ZNF735: variants seen among roughly 807,000 people sequenced by gnomAD.
The protein encoded by ZNF735 is putative zinc finger protein 735.
Under a neutral mutation model 13.4 loss-of-function variants are expected in ZNF735, and 11 were observed. The ratio of observed to expected loss-of-function variants is 0.82; its 90% CI spans 0.52 to 1.36. The LOEUF is 1.36. Ranked by LOEUF, ZNF735 falls within the 40% of genes most tolerant of loss-of-function variation. The pLI is 0.00. For missense variants in ZNF735, 500 were observed against 484.6 expected (o/e 1.03, Z -0.30); for synonymous variants, 171 against 162.6 (o/e 1.05, Z -0.39).
At chr7:64,219,270 T>C (rs750362669) in intron 3 of ZNF735, 44 bp from the exon 4 acceptor site, 1 of 1,584,988 alleles carries the variant, frequency 6.3e-7, no homozygotes, top group East Asian at 2.2e-5. Flanking sequence ...TATATTTATC[T>C]GAGTCTAGTA....
intron 3 of ZNF735, among the ~76,000 whole-genome samples, chr7:64,215,920 C>T (rs1787414371): frequency 6.6e-6 from 1 of 152,008 alleles, no homozygotes; most frequent in Admixed American, 6.6e-5. Flanking sequence ...GTTATTGTTG[C>T]TTTTTATTAT....
At chr7:64,217,298 A>T (rs1787433651) in intron 3 of ZNF735, among the ~76,000 whole-genome samples, 1 of 152,202 alleles carries the variant, frequency 6.6e-6, no homozygotes, top group Non-Finnish European at 1.5e-5. Flanking sequence ...GCTTCCTCAT[A>T]TCCTCACCAG....
intron 1 of ZNF735, among the ~76,000 whole-genome samples, 183 bp from the exon 2 acceptor site, chr7:64,212,909 C>G (rs1468924123): frequency 6.6e-6 from 1 of 152,078 alleles, no homozygotes; most frequent in Non-Finnish European, 1.5e-5. Context: ...TTATGCTCTC[C>G]TCTTTTCTCA....
At chr7:64,207,598 G>A (rs1202683005) in intron 1 of ZNF735, among the ~76,000 whole-genome samples, 2 of 152,248 alleles carry the variant, frequency 1.3e-5, no homozygotes, top group Admixed American at 1.3e-4. Flanking sequence ...GGTAAGAGCT[G>A]TGGTCCCTGG....
chr7:64,214,220 T>C, intron 3 of ZNF735, 112 bp downstream of exon 3: 1 of 1,138,082 alleles, frequency 8.8e-7, no homozygotes. Flanking sequence ...AAAGAGTTTC[T>C]GAGAAGCTTG....
At chr7:64,209,416 G>A (rs538157587) in intron 1 of ZNF735, among the ~76,000 whole-genome samples, 66 of 150,748 alleles carry the variant, frequency 4.4e-4, no homozygotes, top group African/African-American at 1.6e-3. Context: ...GCGTGATCTC[G>A]GCTCACTGCA....
At chr7:64,211,704 A>C (rs1202162928) in intron 1 of ZNF735, among the ~76,000 whole-genome samples, 2 of 151,742 alleles carry the variant, frequency 1.3e-5, no homozygotes, top group Non-Finnish European at 2.9e-5. Flanking sequence ...TCTCTACTAA[A>C]AAAATACAAA....
Position 64,208,542 on chromosome 7 carries a change from C to T in ZNF735, c.39+1301C>T, listed in dbSNP as rs182307678. Among the ~76,000 whole-genome samples, 715 of 152,180 alleles carry T rather than the reference C, an allele frequency of 4.7e-3. 24 individuals are homozygous for T. The highest frequency in any genetic ancestry group is 8.7e-4 in the Non-Finnish European group (59 of 67,998). ...AACAGGCTTGGGTTATAGGCATGAG[C>T]CACCACACTCAGTCAAGTTTTTTTT... On this transcript the variant is annotated intron_variant, in intron 1 of 3. Transcript: ENST00000429565.
At position 64,215,054 on chromosome 7, in the gene ZNF735, AT is replaced by A. The variant is rs929535454; in HGVS notation, c.262+949del. On this transcript the variant is annotated intron_variant, in intron 3 of 3. Coordinates refer to ENST00000429565, the Ensembl canonical transcript of ZNF735. ...TAAAATTTAGTTTAATCATTTGTCC[AT>A]TTCTTTTTTCTTTTTTTTTTTTTGA... Among the ~76,000 whole-genome samples, 348 of 145,380 alleles carry A rather than the reference AT, an allele frequency of 2.4e-3. 1 individual carries two copies. Among genetic ancestry groups the A allele is most frequent in the African/African-American group, 7.3e-3 (290 of 39,538 alleles).
chr7:64,220,034 A>G lies in ZNF735; in HGVS notation c.983A>G (p.Glu328Gly), dbSNP rs778905417. Reference sequence around the variant, plus strand: ...ACTGGAGAGAAACCCTACACATGTGAAGAATGTGGCAAAGCCTTTAACTGC... The same window carrying G: ...ACTGGAGAGAAACCCTACACATGTGGAGAATGTGGCAAAGCCTTTAACTGC... The change falls in exon 4 of 4, where the codon GAA becomes GGA. Residue 328 changes from glutamate to glycine, a missense_variant. Physicochemically the swap from Glu to Gly is moderately conservative, Grantham distance 98. Coordinates refer to ENST00000429565, the Ensembl canonical transcript of ZNF735. 5.6e-6 allele frequency: 9 copies of G among 1,612,744 alleles called. No homozygotes were observed. The Admixed American group carries it at 1.5e-4, about 27-fold the overall frequency.
At chr7:64,208,139 G>T (rs113986809) in intron 1 of ZNF735, among the ~76,000 whole-genome samples, 5,915 of 151,592 alleles carry the variant, frequency 0.039, 181 homozygotes, top group East Asian at 0.16. Context: ...TTTTTACTTG[G>T]AAGATCCAGG....
At chr7:64,207,973 C>CAAGA (rs1181442127) in intron 1 of ZNF735, among the ~76,000 whole-genome samples, 24 of 149,596 alleles carry the variant, frequency 1.6e-4, no homozygotes, top group Non-Finnish European at 1.5e-5. Context: ...GGCGACAAAG[C>CAAGA]AAGACTCCAC....
At chr7:64,210,783 C>T (rs911679730) in intron 1 of ZNF735, among the ~76,000 whole-genome samples, 1 of 152,124 alleles carries the variant, frequency 6.6e-6, no homozygotes, top group Admixed American at 6.6e-5. Context: ...TTATACACAA[C>T]AAAAATGGGT....
intron 1 of ZNF735, among the ~76,000 whole-genome samples, chr7:64,208,638 G>A (rs1787322680): frequency 6.6e-6 from 1 of 152,030 alleles, no homozygotes; most frequent in Non-Finnish European, 1.5e-5. Context: ...ATATCATGAA[G>A]TTTTTGTGTA....
intron 1 of ZNF735, among the ~76,000 whole-genome samples, chr7:64,209,455 C>A (rs555115521): frequency 6.6e-6 from 1 of 151,228 alleles, no homozygotes; most frequent in East Asian, 2.0e-4. Context: ...TCAAGCGATT[C>A]TCCTGGGATT....
chr7:64,210,564 A>G (rs963586731), intron 1 of ZNF735, among the ~76,000 whole-genome samples: 1 of 152,192 alleles, frequency 6.6e-6, no homozygotes, highest in African/African-American at 2.4e-5. Context: ...AGATACATTC[A>G]GGAGAGTTTA....
At chr7:64,211,101 G>T (rs1436232009) in intron 1 of ZNF735, among the ~76,000 whole-genome samples, 5 of 152,060 alleles carry the variant, frequency 3.3e-5, no homozygotes, top group African/African-American at 1.2e-4. Context: ...TACTTTTTGT[G>T]ATTTGTATGA....
At chr7:64,209,228 G>GTTTTTTTT (rs377315967) in intron 1 of ZNF735, among the ~76,000 whole-genome samples, 6 of 139,902 alleles carry the variant, frequency 4.3e-5, no homozygotes, top group Non-Finnish European at 7.7e-5. Context: ...CATCTGTTCC[G>GTTTTTTTT]TTTTTTTTTT....
exon 4 of ZNF735, chr7:64,219,533 A>T: frequency 6.3e-7 from 1 of 1,599,170 alleles, no homozygotes; most frequent in South Asian, 1.1e-5. Context: ...CAGACTCATA[A>T]ATGTGTCAAA....
Sources: gnomAD v4.1 joint callset for allele counts (sites outside exome capture counted in the v4.1 genomes callset) on GRCh38, gnomAD v4.1.1 for gene constraint, MANE v1.5 for transcripts, NCBI Gene and HGNC (gene_info 2026-07-23, HGNC 2026-07-21) for gene names.